The following TFDP2 variants were observed in gnomAD, a reference collection of about 807,000 sequenced individuals.
The protein encoded by TFDP2 is transcription factor Dp-2.
Under a neutral mutation model 59.3 loss-of-function variants are expected in TFDP2, and 17 were observed. That is an observed-to-expected ratio of 0.29 (90% confidence interval 0.20 to 0.43). The LOEUF (loss-of-function observed/expected upper bound fraction) is 0.43, where lower values mean the gene tolerates loss of function less well. Among genes scored for constraint, TFDP2 ranks in the 20% least tolerant of loss-of-function variants. The probability of loss-of-function intolerance (pLI) is 1.00; values close to 1 mark genes in which losing one functional copy is unlikely to be tolerated. For synonymous variants in TFDP2, 180 were observed against 194.7 expected, an observed-to-expected ratio of 0.92 and a Z score of 0.63; for missense variants, 391 against 528.8, an observed-to-expected ratio of 0.74 and a Z score of 2.56.
At chr3:142,039,698 A>G (rs1320684084) in intron 3 of TFDP2, among the ~76,000 whole-genome samples, 2 of 152,172 alleles carry the variant, frequency 1.3e-5, no homozygotes, top group African/African-American at 4.8e-5. Flanking sequence ...GAACCAGGAC[A>G]ATAGAAAACC....
chr3:142,041,868 T>G (rs1456537325), intron 3 of TFDP2, among the ~76,000 whole-genome samples: 1 of 152,216 alleles, frequency 6.6e-6, no homozygotes, highest in African/African-American at 2.4e-5. Flanking sequence ...AGGTTCATTT[T>G]TTTGCATACG....
At chr3:142,114,854 G>T (rs1188007410) in intron 1 of TFDP2, among the ~76,000 whole-genome samples, 1 of 151,988 alleles carries the variant, frequency 6.6e-6, no homozygotes, top group African/African-American at 2.4e-5. Flanking sequence ...TATATGCATA[G>T]ATGTATATTT....
At chr3:142,012,882 T>C (rs1164405530) in intron 3 of TFDP2, among the ~76,000 whole-genome samples, 1 of 152,184 alleles carries the variant, frequency 6.6e-6, no homozygotes, top group East Asian at 1.9e-4. Context: ...CTCACGCTTG[T>C]AATCCCAGCA....
chr3:141,979,027 C>A (rs2108064631), intron 6 of TFDP2, among the ~76,000 whole-genome samples: 1 of 152,232 alleles, frequency 6.6e-6, no homozygotes, highest in South Asian at 2.1e-4. Context: ...TTATCTTTTC[C>A]TACTCTATGT....
intron 1 of TFDP2, among the ~76,000 whole-genome samples, chr3:142,134,819 G>A (rs931655830): frequency 6.6e-6 from 1 of 151,972 alleles, no homozygotes; most frequent in Non-Finnish European, 1.5e-5. Flanking sequence ...CAGTTTGTCA[G>A]AACACTTTAT....
intron 1 of TFDP2, among the ~76,000 whole-genome samples, chr3:142,117,516 ACT>A (rs954234312): frequency 7.2e-5 from 11 of 152,018 alleles, no homozygotes; most frequent in Admixed American, 5.2e-4. Flanking sequence ...GGTGAAAAAG[ACT>A]CTGTGAGAAA....
chr3:141,989,779 T>C (rs1186720441), intron 6 of TFDP2, among the ~76,000 whole-genome samples: 1 of 152,156 alleles, frequency 6.6e-6, no homozygotes. Flanking sequence ...TGTAGATTTC[T>C]CTACTTTCAC....
intron 3 of TFDP2, among the ~76,000 whole-genome samples, chr3:142,018,521 G>A (rs1945322579): frequency 6.6e-6 from 1 of 151,926 alleles, no homozygotes; most frequent in Non-Finnish European, 1.5e-5. Context: ...GGACTGCAGT[G>A]GAACAATCAC....
chr3:142,073,778 A>T (rs1236063949), intron 3 of TFDP2, among the ~76,000 whole-genome samples: 1 of 152,218 alleles, frequency 6.6e-6, no homozygotes, highest in Admixed American at 6.5e-5. Context: ...CCTCTATTTA[A>T]TTCCAGAACA....
intron 9 of TFDP2, among the ~76,000 whole-genome samples, chr3:141,968,058 T>A (rs1344383227): frequency 6.6e-6 from 1 of 151,688 alleles, no homozygotes. Flanking sequence ...TAGGGGATAC[T>A]GCAGATAACT....
intron 3 of TFDP2, among the ~76,000 whole-genome samples, chr3:142,073,463 C>G (rs956658328): frequency 3.1e-5 from 2 of 64,796 alleles, no homozygotes; most frequent in East Asian, 6.7e-4. Context: ...AACAACCCCC[C>G]CCCCCCCGCA....
At chr3:141,959,473 T>C (rs1937094054) in intron 11 of TFDP2, among the ~76,000 whole-genome samples, 1 of 152,214 alleles carries the variant, frequency 6.6e-6, no homozygotes, top group Non-Finnish European at 1.5e-5. Context: ...ATGTGTGGTG[T>C]ATAGATGTAA....
chr3:142,141,259 C>T (rs2062951045), intron 1 of TFDP2, among the ~76,000 whole-genome samples: 2 of 152,184 alleles, frequency 1.3e-5, no homozygotes, highest in Admixed American at 1.3e-4. Context: ...TCCCATTTTT[C>T]CAGGTACAGT....
intron 3 of TFDP2, among the ~76,000 whole-genome samples, chr3:142,012,420 T>C (rs1944797075): frequency 6.6e-6 from 1 of 152,224 alleles, no homozygotes; most frequent in African/African-American, 2.4e-5. Context: ...ACAATGGGCA[T>C]ACCCTCTGAC....
At chr3:142,130,985 G>A (rs1276294897) in intron 1 of TFDP2, among the ~76,000 whole-genome samples, 3 of 147,988 alleles carry the variant, frequency 2.0e-5, no homozygotes, top group African/African-American at 5.2e-5. Flanking sequence ...CGCAGGAGGC[G>A]GAGGTTGCAG....
At chr3:142,078,910 G>C (rs1378469997) in intron 3 of TFDP2, among the ~76,000 whole-genome samples, 1 of 152,062 alleles carries the variant, frequency 6.6e-6, no homozygotes, top group Non-Finnish European at 1.5e-5. Flanking sequence ...AGATAACACG[G>C]AGAAGGAATT....
intron 3 of TFDP2, among the ~76,000 whole-genome samples, chr3:142,073,886 T>G (rs1417901266): frequency 6.6e-6 from 1 of 152,182 alleles, no homozygotes; most frequent in Non-Finnish European, 1.5e-5. Flanking sequence ...ATCTAGAGAT[T>G]CAATGCAATC....
intron 3 of TFDP2, among the ~76,000 whole-genome samples, chr3:142,031,034 GCCCGGCGTATTC>G (rs1362123377): frequency 6.6e-6 from 1 of 152,030 alleles, no homozygotes; most frequent in African/African-American, 2.4e-5. Flanking sequence ...GAGCCACCGC[GCCCGGCGTATTC>G]CCGTGTTCTC....
intron 3 of TFDP2, among the ~76,000 whole-genome samples, chr3:142,053,451 G>A (rs886566039): frequency 2.0e-5 from 3 of 152,126 alleles, no homozygotes; most frequent in South Asian, 2.1e-4. Flanking sequence ...GGCCCTCACC[G>A]GAAGTAGATG....
Sources: allele counts gnomAD v4.1 joint callset (sites outside exome capture counted in the v4.1 genomes callset), GRCh38; gene constraint gnomAD v4.1.1; transcripts MANE v1.5; gene names NCBI Gene and HGNC (gene_info 2026-07-23, HGNC 2026-07-21).